The following KCNK3 variants were observed in gnomAD, a reference collection of about 807,000 sequenced individuals.
KCNK3 encodes the protein potassium channel subfamily K member 3.
Under a neutral mutation model 27.3 loss-of-function variants are expected in KCNK3, and 9 were observed. The ratio of observed to expected loss-of-function variants is 0.33; its 90% CI spans 0.20 to 0.57. The LOEUF is 0.57. Ranked by LOEUF, KCNK3 falls within the 20% of genes least tolerant of loss-of-function variation. KCNK3 has a pLI of 0.87. For missense variants in KCNK3, 391 were observed against 577.7 expected (o/e 0.68, Z 3.31); for synonymous variants, 278 against 273.8 (o/e 1.02, Z -0.15).
chr2:26,715,622 C>T (rs895646866), intron 1 of KCNK3, among the ~76,000 whole-genome samples: 1 of 152,240 alleles, frequency 6.6e-6, no homozygotes, highest in Admixed American at 6.5e-5. Flanking sequence ...CTTGTCTTGG[C>T]ATGGGAGACT....
chr2:26,697,660 G>A (rs530735076), intron 1 of KCNK3, among the ~76,000 whole-genome samples: 2 of 152,228 alleles, frequency 1.3e-5, no homozygotes, highest in African/African-American at 2.4e-5. Flanking sequence ...CCATGGGCTC[G>A]CAGGTGCCCA....
rs1670195447 is a variant in KCNK3 at position 26,693,417 on chromosome 2, C to G, written c.283+259C>G. Among the ~76,000 whole-genome samples, 1 of 152,162 alleles carries G rather than the reference C, an allele frequency of 6.6e-6. No homozygotes were observed. Among genetic ancestry groups the G allele is most frequent in the African/African-American group, 2.4e-5 (1 of 41,448 alleles). ...TTGGCCCTGCCATGTTGCATAGGCC[C>G]CCAGGGACTCCGAAGTGTGTGAGAG... On this transcript the variant is annotated intron_variant, in intron 1 of 1. Transcript: ENST00000302909. The surrounding 1 kb of genome is among the most constrained non-coding windows in gnomAD (Gnocchi z 5.5).
chr2:26,700,780 A>G (rs1260445493), intron 1 of KCNK3, among the ~76,000 whole-genome samples: 1 of 151,452 alleles, frequency 6.6e-6, no homozygotes, highest in Non-Finnish European at 1.5e-5. Flanking sequence ...CATCATCATC[A>G]TATCTCTCTC....
At chr2:26,712,626 C>G (rs376444190) in intron 1 of KCNK3, among the ~76,000 whole-genome samples, 1 of 151,040 alleles carries the variant, frequency 6.6e-6, no homozygotes, top group South Asian at 2.1e-4. Flanking sequence ...TGGGCAGAGG[C>G]GTGCCCAGAG....
rs1663481164 is a variant in KCNK3, at chr2:26,728,713, G to C, written c.*145G>C. 1.4e-6 allele frequency: 1 copy of C among 698,348 alleles called. No individual in the cohort carries two copies. Among genetic ancestry groups the C allele is most frequent in the African/African-American group, 1.9e-5 (1 of 53,548 alleles). 43.3% of individuals were successfully genotyped at this position (698,348 alleles called of 1,614,324 possible). ...TCCCCCAGCACCCCCATCTCCGACT[G>C]TGCCTGCTTGCACCAGCCGGCAGGA... On this transcript the variant is annotated 3_prime_UTR_variant, in exon 2 of 2. Coordinates refer to ENST00000302909, the MANE Select transcript of KCNK3 (RefSeq NM_002246.3).
intron 1 of KCNK3, among the ~76,000 whole-genome samples, chr2:26,713,188 C>G (rs527487122): frequency 6.6e-6 from 1 of 152,210 alleles, no homozygotes; most frequent in African/African-American, 2.4e-5. Context: ...GGGGAGACTG[C>G]GAAAGGAGGA....
chr2:26,721,536 C>A lies in KCNK3; in HGVS notation c.284-6131C>A, dbSNP rs1375605978. Among the ~76,000 whole-genome samples, 4 of 152,218 alleles carry A rather than the reference C, an allele frequency of 2.6e-5. No homozygotes were observed. The highest frequency in any genetic ancestry group is 5.9e-5 in the Non-Finnish European group (4 of 68,036). ...TGCTGCCATCCCCACAACTGAGGGG[C>A]GGCTCCATGTCTGTGCCTCAGGCGC... is the stretch of plus-strand genomic sequence containing the variant. On this transcript the variant is annotated intron_variant, in intron 1 of 1. Coordinates refer to ENST00000302909, the MANE Select transcript of KCNK3 (RefSeq NM_002246.3). This position sits in a 1 kb window ranked among gnomAD's most constrained non-coding sequence, Gnocchi z 4.3.
At position 26,699,808 on chromosome 2, in the gene KCNK3, C is replaced by T. The variant is rs372824001; in HGVS notation, c.283+6650C>T. On this transcript the variant is annotated intron_variant, in intron 1 of 1. Coordinates refer to ENST00000302909, the MANE Select transcript of KCNK3 (RefSeq NM_002246.3). ...CTCCACACTGCTCCAGGACGGCAGG[C>T]GGCATCATCCTGCACAGTCAAGGAA... Among the ~76,000 whole-genome samples, 57 of 152,300 alleles carry T rather than the reference C, an allele frequency of 3.7e-4. 1 individual carries two copies. Among genetic ancestry groups the T allele is most frequent in the African/African-American group, 1.3e-3 (53 of 41,560 alleles).
chr2:26,695,581 G>A (rs1483328086), intron 1 of KCNK3, among the ~76,000 whole-genome samples: 1 of 152,206 alleles, frequency 6.6e-6, no homozygotes, highest in Admixed American at 6.5e-5. Flanking sequence ...TGACCACACT[G>A]TACTCAACCT....
chr2:26,719,003 G>C (rs112036294), intron 1 of KCNK3, among the ~76,000 whole-genome samples: 1 of 152,308 alleles, frequency 6.6e-6, no homozygotes, highest in Non-Finnish European at 1.5e-5. Context: ...AGTTTTCTAT[G>C]TAATCAAGAG....
At chr2:26,714,547 C>T (rs1016066540) in intron 1 of KCNK3, among the ~76,000 whole-genome samples, 4 of 2,656 alleles carry the variant, frequency 1.5e-3, no homozygotes, top group Non-Finnish European at 2.8e-3. Flanking sequence ...AGAGCACCCG[C>T]CTGCCTGTCC....
At chr2:26,719,870 A>G (rs1663295819) in intron 1 of KCNK3, among the ~76,000 whole-genome samples, 1 of 152,212 alleles carries the variant, frequency 6.6e-6, no homozygotes, top group Admixed American at 6.5e-5. Flanking sequence ...GTAAAAGATG[A>G]CATGAGGGCC....
rs184804111 is a variant in KCNK3, at chr2:26,696,461, C to T, written c.283+3303C>T. ...CCAGCCAGGCCTGACACAGCCAAGC[C>T]GTGCTTAGTGATGCCAGCTCACAGG... is the stretch of plus-strand genomic sequence containing the variant. On this transcript the variant is annotated intron_variant, in intron 1 of 1. Transcript: ENST00000302909. Among the ~76,000 whole-genome samples, 24 of 152,314 alleles carry T rather than the reference C, an allele frequency of 1.6e-4. No homozygotes were observed. In the East Asian group the frequency reaches 4.1e-3, roughly 26 times the overall value.
chr2:26,708,101 C>T (rs1670397409), intron 1 of KCNK3, among the ~76,000 whole-genome samples: 1 of 152,146 alleles, frequency 6.6e-6, no homozygotes, highest in Non-Finnish European at 1.5e-5. Flanking sequence ...AAAAAATAAA[C>T]AACATCATCT....
At chr2:26,724,283 C>T (rs558240414) in intron 1 of KCNK3, among the ~76,000 whole-genome samples, 1 of 152,248 alleles carries the variant, frequency 6.6e-6, no homozygotes, top group African/African-American at 2.4e-5. Flanking sequence ...GCATGGCCCT[C>T]CTGTTACCAC....
At chr2:26,694,665 G>C (rs12623751) in intron 1 of KCNK3, among the ~76,000 whole-genome samples, 1 of 152,072 alleles carries the variant, frequency 6.6e-6, no homozygotes, top group Admixed American at 6.5e-5. Context: ...ATCAGACTTA[G>C]GTCTGCCCAA....
intron 1 of KCNK3, among the ~76,000 whole-genome samples, chr2:26,718,782 GT>G (rs35266716): frequency 0.41 from 62,639 of 151,520 alleles, 14,890 homozygotes; most frequent in Non-Finnish European, 0.53. Flanking sequence ...CTAATTTTTC[GT>G]TTTTTTCTAG....
At chr2:26,713,480 C>T (rs1663162147) in intron 1 of KCNK3, among the ~76,000 whole-genome samples, 2 of 152,094 alleles carry the variant, frequency 1.3e-5, no homozygotes, top group African/African-American at 4.8e-5. Flanking sequence ...CAGAGCTGGG[C>T]TTAGAAACAT....
rs996963231 is a variant in KCNK3, at chr2:26,714,660, C to T, written c.284-13007C>T. Among the ~76,000 whole-genome samples the T allele has an allele frequency of 3.3e-4, 50 of 151,212 alleles. 1 individual carries two copies. The highest frequency in any genetic ancestry group is 5.3e-4 in the Non-Finnish European group (36 of 67,814). On this transcript the variant is annotated intron_variant, in intron 1 of 1. Transcript: ENST00000302909. The stretch of plus-strand genomic sequence containing the variant: ...CAGTACTTTGGGAGGCCAAGGTGGG[C>T]GGATCACTTGAGGTCAGGAGTTCGA...
Sources: allele counts gnomAD v4.1 joint callset (sites outside exome capture counted in the v4.1 genomes callset), GRCh38; gene constraint gnomAD v4.1.1; non-coding constraint Gnocchi (gnomAD v3.1); transcripts MANE v1.5; gene names NCBI Gene and HGNC (gene_info 2026-07-23, HGNC 2026-07-21).